Variants in FBXL13 observed in about 807,000 individuals in gnomAD.
FBXL13 encodes F-box and leucine rich repeat protein 13.
Under a neutral mutation model 83.6 loss-of-function variants are expected in FBXL13, and 67 were observed. The observed-to-expected ratio is 0.80, with a 90% CI of 0.66 to 0.98. FBXL13 has a LOEUF of 0.98. Among genes scored for constraint, FBXL13 ranks in the 50% least tolerant of loss-of-function variants. The pLI is 0.00. For synonymous variants in FBXL13, 272 were observed against 299.5 expected (o/e 0.91, Z 0.95); for missense variants, 822 against 866.5 (o/e 0.95, Z 0.64).
Position 102,822,029 on chromosome 7 carries a change from T to G in FBXL13, c.2018+11A>C, listed in dbSNP as rs1189124366. ...TTCTCAAAAGTTTGTCATAGTCAGG[T>G]ACATACTTACTTGGAAATATTTGTG... On this transcript the variant is annotated intron_variant, in intron 19 of 19. Coordinates refer to ENST00000313221, the Ensembl canonical transcript of FBXL13. 1.2e-6 allele frequency: 2 copies of G among 1,614,006 alleles called. No homozygotes were observed. The highest frequency in any genetic ancestry group is 1.7e-6 in the Non-Finnish European group (2 of 1,179,936).
chr7:102,944,800 A>C (rs765868788), intron 8 of FBXL13: 1 of 527,618 alleles, frequency 1.9e-6, no homozygotes, highest in Admixed American at 3.7e-5. Context: ...TTGCCTGTCC[A>C]TTTGTGGAAC....
At chr7:102,869,179 G>C (rs1808177175) in intron 16 of FBXL13, among the ~76,000 whole-genome samples, 1 of 152,120 alleles carries the variant, frequency 6.6e-6, no homozygotes, top group South Asian at 2.1e-4. Flanking sequence ...ATTCTAACTG[G>C]CGTGAGGCAA....
At chr7:102,944,888 G>A (rs1713549330) in intron 8 of FBXL13, 1 of 295,228 alleles carries the variant, frequency 3.4e-6, no homozygotes, top group Non-Finnish European at 6.2e-6. Flanking sequence ...CTTTCATAAT[G>A]TCCTGTATAA....
At chr7:102,938,267 G>A (rs1262022515) in intron 8 of FBXL13, among the ~76,000 whole-genome samples, 1 of 152,100 alleles carries the variant, frequency 6.6e-6, no homozygotes, top group East Asian at 1.9e-4. Flanking sequence ...ATCAGATGGG[G>A]GAGAATTACG....
chr7:102,850,020 AAAG>A lies in FBXL13; in HGVS notation c.1719+4754_1719+4756del, dbSNP rs979801867. Among the ~76,000 whole-genome samples, 141 of 152,118 alleles carry A rather than the reference AAAG, an allele frequency of 9.3e-4. 1 individual carries two copies. Among genetic ancestry groups the A allele is most frequent in the African/African-American group, 3.3e-3 (135 of 41,410 alleles). ...TTTGTTTTGTTTTTTTAGAAAAAAA[AAAG>A]AAAAATTTATTGTTCATGAATTTGA... On this transcript the variant is annotated intron_variant, in intron 17 of 19. Coordinates refer to ENST00000313221, the Ensembl canonical transcript of FBXL13.
chr7:102,884,395 T>C (rs1584774846), intron 11 of FBXL13, 83 bp from the exon 13 acceptor site: 4 of 946,426 alleles, frequency 4.2e-6, no homozygotes, highest in Non-Finnish European at 5.0e-6. Context: ...AGATACACCA[T>C]AATTTTGTTA....
intron 3 of FBXL13, 85 bp downstream of exon 4, chr7:103,029,266 T>A (rs1794259004): frequency 1.3e-6 from 1 of 753,502 alleles, no homozygotes. Flanking sequence ...TCAGCACAAC[T>A]GGCCAAAAGT....
chr7:103,055,437 A>C (rs560649682), intron 2 of FBXL13, among the ~76,000 whole-genome samples: 31 of 152,236 alleles, frequency 2.0e-4, no homozygotes, highest in East Asian at 7.7e-4. Flanking sequence ...CACGTTACTG[A>C]TAAGAATACA....
intron 18 of FBXL13, among the ~76,000 whole-genome samples, chr7:102,829,980 C>A (rs922932991): frequency 1.3e-5 from 2 of 152,176 alleles, no homozygotes; most frequent in African/African-American, 4.8e-5. Context: ...CACAGTCTGA[C>A]CAGAACAATT....
chr7:103,044,243 G>GA (rs1289811017), intron 2 of FBXL13, among the ~76,000 whole-genome samples: 5 of 152,136 alleles, frequency 3.3e-5, no homozygotes, highest in African/African-American at 1.2e-4. Flanking sequence ...GTCGCATGCA[G>GA]AAAAAATAAG....
chr7:102,944,545 G>GA (rs745668314), intron 8 of FBXL13: 20 of 1,608,904 alleles, frequency 1.2e-5, no homozygotes, highest in Middle Eastern at 3.3e-4. Context: ...TGATGAATGG[G>GA]AAAAAAAACA....
intron 8 of FBXL13, among the ~76,000 whole-genome samples, chr7:102,935,082 A>C (rs1052113578): frequency 3.9e-5 from 6 of 152,194 alleles, no homozygotes; most frequent in African/African-American, 1.4e-4. Flanking sequence ...CATGGTGTGC[A>C]TCTGTGAGAA....
intron 18 of FBXL13, among the ~76,000 whole-genome samples, chr7:102,825,674 C>G (rs1236311927): frequency 6.6e-6 from 1 of 152,106 alleles, no homozygotes; most frequent in African/African-American, 2.4e-5. Context: ...ATATAAGGAC[C>G]AGTTTCACTG....
intron 6 of FBXL13, among the ~76,000 whole-genome samples, chr7:102,982,486 C>T (rs948848626): frequency 6.6e-6 from 1 of 152,106 alleles, no homozygotes; most frequent in African/African-American, 2.4e-5. Flanking sequence ...CCATCGTTGG[C>T]ACTGGAATTG....
intron 2 of FBXL13, among the ~76,000 whole-genome samples, chr7:103,040,864 C>A (rs1240221919): frequency 1.3e-5 from 2 of 152,072 alleles, no homozygotes; most frequent in Non-Finnish European, 2.9e-5. Context: ...TAAATGCCCA[C>A]AAGAGAAAGC....
chr7:103,033,368 G>T (rs1415582904), intron 2 of FBXL13, among the ~76,000 whole-genome samples: 1 of 152,180 alleles, frequency 6.6e-6, no homozygotes, highest in South Asian at 2.1e-4. Flanking sequence ...CAAAGTGAAG[G>T]AAAGGCATTG....
chr7:102,958,774 T>C (rs1394701672), intron 8 of FBXL13, among the ~76,000 whole-genome samples: 1 of 151,974 alleles, frequency 6.6e-6, no homozygotes, highest in Non-Finnish European at 1.5e-5. Flanking sequence ...AAGAATGGCC[T>C]TGGTGGATCA....
intron 14 of FBXL13, among the ~76,000 whole-genome samples, chr7:102,881,717 G>T (rs764558046): frequency 7.2e-5 from 11 of 152,106 alleles, no homozygotes; most frequent in Non-Finnish European, 1.6e-4. Flanking sequence ...CTAGCTCAGG[G>T]TCTCTCATGA....
At chr7:102,838,598 A>G (rs1358228321) in intron 17 of FBXL13, among the ~76,000 whole-genome samples, 1 of 152,100 alleles carries the variant, frequency 6.6e-6, no homozygotes, top group Non-Finnish European at 1.5e-5. Context: ...ACCCTGAACA[A>G]TTGCTTTGCC....
Sources: allele counts gnomAD v4.1 joint callset (sites outside exome capture counted in the v4.1 genomes callset), GRCh38; gene constraint gnomAD v4.1.1; transcripts MANE v1.5; gene names NCBI Gene and HGNC (gene_info 2026-07-23, HGNC 2026-07-21).